KAZN: variants seen among roughly 807,000 people sequenced by gnomAD.
The protein encoded by KAZN is kazrin, periplakin interacting protein, also known as kazrin.
Under a neutral mutation model 87.4 loss-of-function variants are expected in KAZN, and 40 were observed. The ratio of observed to expected loss-of-function variants is 0.46; its 90% confidence interval spans 0.36 to 0.60. The LOEUF (loss-of-function observed/expected upper bound fraction) is 0.60. Among genes scored for constraint, KAZN ranks in the 20% least tolerant of loss-of-function variants. The pLI is 0.00. For missense variants in KAZN, 898 were observed against 1,073.9 expected (o/e 0.84, Z 2.29); for synonymous variants, 466 against 458.3 (o/e 1.02, Z -0.22).
chr1:14,552,658 C>T (rs1387341937), intron 2 of KAZN, among the ~76,000 whole-genome samples: 6 of 152,186 alleles, frequency 3.9e-5, no homozygotes, highest in Admixed American at 3.3e-4. Flanking sequence ...CAAGTCTGGG[C>T]ATGAGCATTC....
chr1:15,101,653 G>A lies in KAZN; in HGVS notation c.1658G>A (p.Arg553Gln), dbSNP rs764212855. 5.7e-6 allele frequency: 9 copies of A among 1,579,934 alleles called. No individual in the cohort carries two copies. Among genetic ancestry groups the A allele is most frequent in the South Asian group, 1.2e-5 (1 of 85,828 alleles). Residue 553 changes from arginine (R) to glutamine (Q), a missense_variant, in exon 11 of 15, where the codon CGG (arginine) becomes CAG (glutamine). Arg to Gln is a conservative substitution (Grantham distance 43). Transcript: ENST00000376030. ...QAFQNHLVDG[R>Q]MLNSLMKRDL... is the part of the protein sequence containing the mutation. The stretch of plus-strand genomic sequence containing the variant: ...TTTCAGAACCACCTGGTTGATGGGC[G>A]GATGCTGAATTCCCTGATGAAGCGA...
intron 2 of KAZN, among the ~76,000 whole-genome samples, chr1:15,029,048 A>T (rs1270278799): frequency 6.6e-6 from 1 of 152,214 alleles, no homozygotes; most frequent in Non-Finnish European, 1.5e-5. Context: ...AAAAGGGCTT[A>T]TAAAGAAAAC....
At chr1:14,499,703 T>A (rs1294950769) in intron 2 of KAZN, among the ~76,000 whole-genome samples, 3 of 152,206 alleles carry the variant, frequency 2.0e-5, no homozygotes, top group Non-Finnish European at 2.9e-5. Flanking sequence ...TGAGTTACAT[T>A]TTTATTTCTT....
intron 1 of KAZN, among the ~76,000 whole-genome samples, chr1:14,868,064 T>TCGCATA (rs372218600): frequency 6.6e-6 from 1 of 150,668 alleles, no homozygotes. Flanking sequence ...ACGCACAGCA[T>TCGCATA]TGCATACACA....
chr1:14,914,429 C>T (rs1180860104), intron 1 of KAZN, among the ~76,000 whole-genome samples: 1 of 152,194 alleles, frequency 6.6e-6, no homozygotes, highest in African/African-American at 2.4e-5. Context: ...GCCGGTAGCA[C>T]AGAGATCTTC....
intron 2 of KAZN, among the ~76,000 whole-genome samples, chr1:14,207,604 A>G (rs1339695248): frequency 2.0e-5 from 3 of 152,188 alleles, no homozygotes; most frequent in African/African-American, 7.2e-5. Context: ...AATCAAAAAT[A>G]TATTGTTTTA....
chr1:14,415,465 G>A (rs1186968590), intron 2 of KAZN, among the ~76,000 whole-genome samples: 1 of 152,102 alleles, frequency 6.6e-6, no homozygotes, highest in Non-Finnish European at 1.5e-5. Flanking sequence ...CTTTTTGGGT[G>A]CTCCAGCTGA....
intron 8 of KAZN, among the ~76,000 whole-genome samples, chr1:15,078,576 G>A (rs1639859358): frequency 6.6e-6 from 1 of 152,148 alleles, no homozygotes; most frequent in African/African-American, 2.4e-5. Context: ...GGCAGACAAG[G>A]CGGGGAGCAG....
chr1:13,982,742 C>T (rs965483781), intron 1 of KAZN, among the ~76,000 whole-genome samples: 2 of 152,204 alleles, frequency 1.3e-5, no homozygotes, highest in East Asian at 3.9e-4. Context: ...CACAAAGGTT[C>T]TCCAAGGCCC....
intron 2 of KAZN, chr1:14,180,734 G>A (rs959119816): frequency 1.6e-6 from 1 of 631,774 alleles, no homozygotes; most frequent in Non-Finnish European, 2.7e-6. Flanking sequence ...GTTGAGTATT[G>A]GATTTCTGAT....
At chr1:14,958,012 G>A (rs1663354331) in intron 1 of KAZN, among the ~76,000 whole-genome samples, 2 of 152,156 alleles carry the variant, frequency 1.3e-5, no homozygotes, top group South Asian at 4.1e-4. Context: ...ATGGATGAGG[G>A]AACAGGGGCT....
intron 2 of KAZN, among the ~76,000 whole-genome samples, chr1:15,009,301 A>G (rs1669346479): frequency 6.6e-6 from 1 of 152,254 alleles, no homozygotes; most frequent in Non-Finnish European, 1.5e-5. Flanking sequence ...TCCCGCACCC[A>G]GAATCCCGAC....
intron 1 of KAZN, among the ~76,000 whole-genome samples, chr1:13,926,645 TA>T (rs1640288323): frequency 7.8e-6 from 1 of 128,942 alleles, no homozygotes; most frequent in East Asian, 2.3e-4. Context: ...GATTTATCTT[TA>T]AGAGTTAAAA....
At chr1:14,132,571 G>A (rs1376416402) in intron 1 of KAZN, among the ~76,000 whole-genome samples, 2 of 152,190 alleles carry the variant, frequency 1.3e-5, no homozygotes, top group South Asian at 2.1e-4. Flanking sequence ...AAATGTCTCC[G>A]AAGAACAAAA....
At chr1:14,921,029 G>C (rs1658452459) in intron 1 of KAZN, among the ~76,000 whole-genome samples, 2 of 152,144 alleles carry the variant, frequency 1.3e-5, no homozygotes, top group Non-Finnish European at 1.5e-5. Context: ...CCAGCTAGCA[G>C]AGTTGAGAGC....
intron 2 of KAZN, among the ~76,000 whole-genome samples, chr1:14,470,070 G>C (rs1004569500): frequency 6.6e-6 from 1 of 152,172 alleles, no homozygotes; most frequent in Non-Finnish European, 1.5e-5. Flanking sequence ...CCATTTTATA[G>C]GAACAGGTTC....
At chr1:14,477,322 T>C (rs962296871) in intron 2 of KAZN, among the ~76,000 whole-genome samples, 1 of 152,112 alleles carries the variant, frequency 6.6e-6, no homozygotes, top group African/African-American at 2.4e-5. Context: ...TCCCCAGCCA[T>C]GGGGACTGTA....
rs1326110892 is a variant in KAZN at position 14,599,298 on chromosome 1, G to C, written c.226+75G>C. 1.6e-6 allele frequency: 2 copies of C among 1,265,860 alleles called. No homozygotes were observed. The highest frequency in any genetic ancestry group is 1.6e-5 in the African/African-American group (1 of 63,902). 78.4% of individuals were successfully genotyped at this position (1,265,860 alleles called of 1,614,324 possible). On this transcript the variant is annotated intron_variant, in intron 1 of 14. Transcript: ENST00000376030. The surrounding 1 kb of genome is among the most constrained non-coding windows in gnomAD (Gnocchi z 4.4). ...CGGCCTCGGAGGTGGCCGGGGACCC[G>C]GGGTCCCCCACACCCGGGGCGAAAT...
intron 1 of KAZN, among the ~76,000 whole-genome samples, chr1:13,965,763 G>A (rs1207741891): frequency 5.3e-5 from 8 of 152,138 alleles, no homozygotes; most frequent in Non-Finnish European, 1.0e-4. Context: ...TTTCCACGGG[G>A]CAAAGTCTAG....
Sources: gnomAD v4.1 joint callset for allele counts (sites outside exome capture counted in the v4.1 genomes callset) on GRCh38, gnomAD v4.1.1 for gene constraint, Gnocchi (gnomAD v3.1) non-coding constraint, MANE v1.5 for transcripts, NCBI Gene and HGNC (gene_info 2026-07-23, HGNC 2026-07-21) for gene names.